Variants in LRRTM3 observed in about 807,000 individuals in gnomAD.
The protein encoded by LRRTM3 is leucine-rich repeat transmembrane neuronal protein 3.
In LRRTM3, 24 loss-of-function variants were observed where a neutral mutation model predicts 44.7. That is an observed-to-expected ratio of 0.54 (90% CI 0.39 to 0.76). The LOEUF is 0.76. Ranked by LOEUF, LRRTM3 falls within the 30% of genes least tolerant of loss-of-function variation. The pLI is 0.00. For synonymous variants in LRRTM3, 277 were observed against 278.7 expected, an observed-to-expected ratio of 0.99 and a Z score of 0.06; for missense variants, 587 against 702.2, an observed-to-expected ratio of 0.84 and a Z score of 1.85.
intron 2 of LRRTM3, among the ~76,000 whole-genome samples, chr10:66,958,946 C>T (rs574942967): frequency 7.9e-5 from 12 of 152,266 alleles, no homozygotes; most frequent in African/African-American, 2.9e-4. Context: ...CAAGTAGTTA[C>T]GCTTCTATTC....
intron 2 of LRRTM3, among the ~76,000 whole-genome samples, chr10:67,022,719 T>C (rs975891417): frequency 6.6e-6 from 1 of 152,030 alleles, no homozygotes; most frequent in African/African-American, 2.4e-5. Flanking sequence ...GGGCAGATCA[T>C]GAGGTCAGGA....
At chr10:67,032,740 T>C (rs1472808130) in intron 2 of LRRTM3, among the ~76,000 whole-genome samples, 1 of 152,108 alleles carries the variant, frequency 6.6e-6, no homozygotes, top group Non-Finnish European at 1.5e-5. Flanking sequence ...AGCCAAATAA[T>C]AAAATGTCTT....
chr10:67,033,609 C>T (rs1018314087), intron 2 of LRRTM3, among the ~76,000 whole-genome samples: 2 of 152,114 alleles, frequency 1.3e-5, no homozygotes, highest in Non-Finnish European at 1.5e-5. Flanking sequence ...CATATTGTAA[C>T]TCATTTAATC....
intron 2 of LRRTM3, among the ~76,000 whole-genome samples, chr10:67,024,002 A>G (rs992029101): frequency 2.6e-5 from 4 of 152,212 alleles, no homozygotes; most frequent in African/African-American, 9.6e-5. Flanking sequence ...TCTTGCTGCT[A>G]TAACATATTA....
At chr10:66,964,148 C>G (rs1399243834) in intron 2 of LRRTM3, among the ~76,000 whole-genome samples, 4 of 152,128 alleles carry the variant, frequency 2.6e-5, no homozygotes, top group Admixed American at 2.6e-4. Flanking sequence ...CCGCACCCAG[C>G]CAGACATCAA....
intron 2 of LRRTM3, among the ~76,000 whole-genome samples, chr10:67,010,995 A>G (rs1316194771): frequency 6.6e-6 from 1 of 152,168 alleles, no homozygotes; most frequent in East Asian, 1.9e-4. Flanking sequence ...AAATCTATAA[A>G]ATCTCATATT....
chr10:66,988,017 A>G (rs1162299188), intron 2 of LRRTM3, among the ~76,000 whole-genome samples: 1 of 152,194 alleles, frequency 6.6e-6, no homozygotes, highest in African/African-American at 2.4e-5. Flanking sequence ...TTAGTATCAA[A>G]ACTTTATTTA....
chr10:66,993,434 G>A (rs1483535103), intron 2 of LRRTM3, among the ~76,000 whole-genome samples: 2 of 152,126 alleles, frequency 1.3e-5, no homozygotes, highest in Non-Finnish European at 2.9e-5. Flanking sequence ...AAGTACCTGG[G>A]AAGGAAAATA....
intron 2 of LRRTM3, among the ~76,000 whole-genome samples, chr10:67,032,723 T>C (rs1405428816): frequency 6.6e-6 from 1 of 152,208 alleles, no homozygotes. Flanking sequence ...ATATCCTGTG[T>C]AAAAGAAGCC....
chr10:67,008,070 C>A (rs1852112211), intron 2 of LRRTM3, among the ~76,000 whole-genome samples: 1 of 151,200 alleles, frequency 6.6e-6, no homozygotes, highest in Admixed American at 6.6e-5. Flanking sequence ...TGAGATGTTT[C>A]TTTTTTCTTG....
chr10:67,069,935 T>C (rs190192302), intron 2 of LRRTM3, among the ~76,000 whole-genome samples: 1 of 152,298 alleles, frequency 6.6e-6, no homozygotes, highest in East Asian at 1.9e-4. Context: ...TATCTAGAAG[T>C]AGAATTACTG....
intron 2 of LRRTM3, among the ~76,000 whole-genome samples, chr10:67,035,854 A>G (rs914518543): frequency 3.3e-5 from 5 of 152,252 alleles, no homozygotes; most frequent in Non-Finnish European, 7.3e-5. Context: ...ACTGTCCAGT[A>G]CATTATTCTA....
At chr10:67,025,153 A>AAAGGAAGGAAGGAAGGAAGGAAGGAAGG (rs1221696371) in intron 2 of LRRTM3, among the ~76,000 whole-genome samples, 24 of 149,348 alleles carry the variant, frequency 1.6e-4, no homozygotes, top group African/African-American at 5.8e-4. Flanking sequence ...AAAAAGAAAG[A>AAAGGAAGGAAGGAAGGAAGGAAGGAAGG]AAGGAAGGAA....
chr10:67,054,129 A>T (rs548497592), intron 2 of LRRTM3, among the ~76,000 whole-genome samples: 2 of 152,264 alleles, frequency 1.3e-5, no homozygotes, highest in South Asian at 4.1e-4. Context: ...AATTCCACAT[A>T]TTCACGTAAG....
intron 2 of LRRTM3, among the ~76,000 whole-genome samples, chr10:66,973,311 TATTC>T (rs1849829357): frequency 6.6e-6 from 1 of 152,204 alleles, no homozygotes; most frequent in African/African-American, 2.4e-5. Flanking sequence ...AATTTCATAA[TATTC>T]ATTGTACTAG....
chr10:67,086,343 G>C (rs1857306576), intron 2 of LRRTM3, among the ~76,000 whole-genome samples: 1 of 151,918 alleles, frequency 6.6e-6, no homozygotes, highest in Non-Finnish European at 1.5e-5. Context: ...CATTTAGTTG[G>C]GACAGAATAT....
intron 2 of LRRTM3, among the ~76,000 whole-genome samples, chr10:67,001,792 T>C (rs1006840131): frequency 1.3e-5 from 2 of 151,892 alleles, no homozygotes; most frequent in African/African-American, 4.8e-5. Flanking sequence ...TAAAAAAGGG[T>C]GCTATAGGAA....
intron 2 of LRRTM3, among the ~76,000 whole-genome samples, chr10:67,063,468 G>T (rs1855882465): frequency 6.6e-6 from 1 of 152,116 alleles, no homozygotes; most frequent in African/African-American, 2.4e-5. Context: ...CAACAGTGAG[G>T]CAGGGTCAAG....
intron 2 of LRRTM3, among the ~76,000 whole-genome samples, chr10:67,000,121 T>C (rs1851592381): frequency 6.6e-6 from 1 of 152,164 alleles, no homozygotes; most frequent in South Asian, 2.1e-4. Context: ...GGCTCTATTG[T>C]AAAAATATAG....
Sources: allele counts gnomAD v4.1 joint callset (sites outside exome capture counted in the v4.1 genomes callset), GRCh38; gene constraint gnomAD v4.1.1; transcripts MANE v1.5; gene names NCBI Gene and HGNC (gene_info 2026-07-23, HGNC 2026-07-21).